FGD4: variants seen among roughly 807,000 people sequenced by gnomAD.
FGD4 encodes FYVE, RhoGEF and PH domain containing 4.
In FGD4, 42 loss-of-function variants were observed where a neutral mutation model predicts 102.0. The observed-to-expected ratio is 0.41, with a 90% confidence interval of 0.32 to 0.53. The LOEUF (loss-of-function observed/expected upper bound fraction) is 0.53, where lower values mean the gene tolerates loss of function less well. FGD4 is among the 20% of genes least tolerant of loss of function. The pLI is 0.21. For synonymous variants in FGD4, 380 were observed against 375.7 expected (o/e 1.01, Z -0.13); for missense variants, 902 against 1,078.2 (o/e 0.84, Z 2.29).
intron 1 of FGD4, among the ~76,000 whole-genome samples, chr12:32,472,696 C>T (rs1234942671): frequency 6.6e-6 from 1 of 152,376 alleles, no homozygotes; most frequent in East Asian, 1.9e-4. Flanking sequence ...GCAGGACTGG[C>T]AGGCAGCTCC....
intron 3 of FGD4, among the ~76,000 whole-genome samples, chr12:32,579,039 G>GTTTTTTTTTTTT (rs35186090): frequency 1.1e-4 from 7 of 66,128 alleles, no homozygotes; most frequent in African/African-American, 1.9e-4. Context: ...AACATTAGTG[G>GTTTTTTTTTTTT]TTTTTTTTTT....
At chr12:32,466,761 G>A (rs368012898) in intron 1 of FGD4, among the ~76,000 whole-genome samples, 1 of 151,262 alleles carries the variant, frequency 6.6e-6, no homozygotes, top group Non-Finnish European at 1.5e-5. Context: ...CCAGATACTC[G>A]GGAGGCTGAA....
At chr12:32,534,487 CCACTGAT>C in intron 1 of FGD4, 1 of 1,509,790 alleles carries the variant, frequency 6.6e-7, no homozygotes, top group South Asian at 1.2e-5. Flanking sequence ...GAAATCATGT[CCACTGAT>C]CAAGGTAAGT....
intron 1 of FGD4, among the ~76,000 whole-genome samples, chr12:32,491,160 A>G (rs1944082787): frequency 6.8e-6 from 1 of 147,384 alleles, no homozygotes; most frequent in South Asian, 2.2e-4. Context: ...ACAAAAAACT[A>G]TAAAATTGGA....
chr12:32,444,627 A>T (rs572357057), intron 1 of FGD4, among the ~76,000 whole-genome samples: 4 of 151,846 alleles, frequency 2.6e-5, no homozygotes, highest in African/African-American at 4.8e-5. Context: ...CTAGTCTCGA[A>T]CTCCTGACCT....
intron 3 of FGD4, chr12:32,579,590 GTTT>G (rs1463508120): frequency 6.6e-6 from 1 of 152,158 alleles, no homozygotes; most frequent in Non-Finnish European, 1.5e-5. Flanking sequence ...GCTTAAATTT[GTTT>G]CAGAGGATCT....
chr12:32,611,056 A>G (rs1949104070), intron 9 of FGD4, 81 bp from the exon 10 acceptor site: 4 of 1,540,424 alleles, frequency 2.6e-6, no homozygotes, highest in Non-Finnish European at 3.6e-6. Flanking sequence ...CTAAATTTAG[A>G]TTTTAGTTAA....
chr12:32,585,733 C>T (rs1946971464), intron 4 of FGD4, among the ~76,000 whole-genome samples: 1 of 144,392 alleles, frequency 6.9e-6, no homozygotes, highest in African/African-American at 2.6e-5. Flanking sequence ...ACTCGGGAGG[C>T]TTAGGTGGGA....
chr12:32,453,552 C>G (rs974735536), intron 1 of FGD4, among the ~76,000 whole-genome samples: 15 of 151,950 alleles, frequency 9.9e-5, no homozygotes, highest in African/African-American at 3.6e-4. Context: ...CTTAATTTAT[C>G]ATTAGTCCTG....
chr12:32,598,412 C>A, intron 4 of FGD4, 85 bp from the exon 5 acceptor site: 2 of 947,578 alleles, frequency 2.1e-6, no homozygotes, highest in South Asian at 3.0e-5. Flanking sequence ...CTGTTTTGAT[C>A]AAATCATTTG....
Position 32,435,608 on chromosome 12 carries a change from G to A in FGD4, c.166+35649G>A, listed in dbSNP as rs552837706. 8.6e-5 allele frequency among the ~76,000 whole-genome samples: 13 copies of A among 151,332 alleles called. No individual in the cohort carries two copies. The South Asian group carries it at 1.5e-3, about 17-fold the overall frequency. ...GATACTCATTAGCGAATATAATTTT[G>A]TTGATTTTTTTGGTGCATTATGACA... On this transcript the variant is annotated intron_variant, in intron 1 of 16. Transcript: ENST00000534526.
intron 1 of FGD4, among the ~76,000 whole-genome samples, chr12:32,526,065 G>C (rs970147759): frequency 5.9e-5 from 9 of 152,228 alleles, no homozygotes; most frequent in African/African-American, 1.7e-4. Flanking sequence ...GAGCGCAGGG[G>C]GCAGGACTGG....
intron 1 of FGD4, 105 bp downstream of exon 1, chr12:32,400,064 G>C: frequency 1.5e-6 from 2 of 1,376,970 alleles, no homozygotes; most frequent in Non-Finnish European, 1.9e-6. Context: ...CCGCTGCGGA[G>C]GTAACTGGTT....
chr12:32,585,222 TTATATATATATATATATATA>T lies in FGD4; in HGVS notation c.1011+2771_1011+2790del, dbSNP rs140227421. ...AGAGTGAGACCCTGTCTCAAAAATTTTATATATATATATATATATATATATATATATATATGTATATCTTA... is the reference window on the plus strand; with the variant it reads ...AGAGTGAGACCCTGTCTCAAAAATTTTATATATATATATATGTATATCTTA... On this transcript the variant is annotated intron_variant, in intron 4 of 16. Transcript: ENST00000534526. 1.1e-3 allele frequency among the ~76,000 whole-genome samples: 123 copies of T among 116,134 alleles called. 3 individuals carry two copies. Among genetic ancestry groups the T allele is most frequent in the East Asian group, 2.6e-4 (1 of 3,828 alleles). 76.2% of individuals were successfully genotyped at this position (116,134 alleles called of 152,430 possible). A position where few individuals can be genotyped will look rare whatever the true frequency, so the allele number is the denominator to read the frequency against.
intron 10 of FGD4, among the ~76,000 whole-genome samples, chr12:32,611,749 C>T (rs918567578): frequency 6.6e-6 from 1 of 152,176 alleles, no homozygotes; most frequent in African/African-American, 2.4e-5. Context: ...TTCTAAGTAA[C>T]GTATTTTTCT....
chr12:32,640,335 G>A lies in FGD4; in HGVS notation c.2514G>A (p.Arg838=). The change falls in exon 17 of 17, where the codon AGG becomes AGA. Residue 838 remains arginine (R), a synonymous_variant. Transcript: ENST00000534526. The part of the protein sequence containing the change: ...LLGYVVDEMP[R]SADLPHSFKL... ...GCTATGTGGTGGATGAAATGCCAAGGAGCGCAGACCTGCCACACAGTTTCA... is the reference window on the plus strand; with the variant it reads ...GCTATGTGGTGGATGAAATGCCAAGAAGCGCAGACCTGCCACACAGTTTCA... The A allele has an allele frequency of 6.2e-7, 1 of 1,614,172 alleles. No homozygotes were observed. Among genetic ancestry groups the A allele is most frequent in the Non-Finnish European group, 8.5e-7 (1 of 1,180,028 alleles).
intron 4 of FGD4, 181 bp downstream of exon 4, chr12:32,582,648 C>G: frequency 4.0e-6 from 3 of 741,414 alleles, no homozygotes; most frequent in Non-Finnish European, 6.5e-6. Flanking sequence ...AGATATTTCA[C>G]TTTTTCTTTT....
intron 1 of FGD4, among the ~76,000 whole-genome samples, chr12:32,512,321 C>A (rs1200017689): frequency 1.3e-5 from 2 of 152,016 alleles, no homozygotes; most frequent in Non-Finnish European, 2.9e-5. Flanking sequence ...GTGGCACGAG[C>A]CTGTAATCCC....
At chr12:32,533,795 T>G (rs1346101880) in intron 1 of FGD4, among the ~76,000 whole-genome samples, 1 of 152,230 alleles carries the variant, frequency 6.6e-6, no homozygotes, top group Non-Finnish European at 1.5e-5. Flanking sequence ...CAGATAAAAA[T>G]GAGTAATAAA....
Sources: allele counts gnomAD v4.1 joint callset (sites outside exome capture counted in the v4.1 genomes callset), GRCh38; gene constraint gnomAD v4.1.1; transcripts MANE v1.5; gene names NCBI Gene and HGNC (gene_info 2026-07-23, HGNC 2026-07-21).